SCAMP3: variants seen among roughly 807,000 people sequenced by gnomAD.
SCAMP3 encodes secretory carrier membrane protein 3, also known as secretory carrier-associated membrane protein 3.
A neutral mutation model predicts 44.1 loss-of-function variants in SCAMP3; 30 were observed. The observed-to-expected ratio is 0.68, with a 90% CI of 0.51 to 0.92. The LOEUF (loss-of-function observed/expected upper bound fraction) is 0.92, where lower values mean the gene tolerates loss of function less well. Among genes scored for constraint, SCAMP3 ranks in the 40% least tolerant of loss-of-function variants. The pLI, the probability that SCAMP3 is intolerant of heterozygous loss-of-function variation, is 0.00. For missense variants in SCAMP3, 394 were observed against 440.0 expected (o/e 0.90, Z 0.93); for synonymous variants, 168 against 171.1 (o/e 0.98, Z 0.14).
chr1:155,256,804 G>A lies in SCAMP3; in HGVS notation c.780-13C>T, dbSNP rs778137052. 2.1e-5 allele frequency: 33 copies of A among 1,603,700 alleles called. No homozygotes were observed. The highest frequency in any genetic ancestry group is 1.6e-4 in the Middle Eastern group (1 of 6,062). ...AGAGATCCAGCCACTGTAAAGGGAAGGATGTACCAGTGAAGAGGGGCTCCT... is the reference window on the plus strand; with the variant it reads ...AGAGATCCAGCCACTGTAAAGGGAAAGATGTACCAGTGAAGAGGGGCTCCT... On this transcript the variant is annotated splice_polypyrimidine_tract_variant and intron_variant, in intron 7 of 8. Transcript: ENST00000302631.
Position 155,256,434 on chromosome 1 carries a change from CAA to C in SCAMP3, c.898-17_898-16del, listed in dbSNP as rs1672797450. ...AAGGAGTGGATCTGCAAGTAGAGGA[CAA>C]AGACATTACCGCCCATTCCAGCCAC... On this transcript the variant is annotated splice_polypyrimidine_tract_variant and intron_variant, in intron 8 of 8. Coordinates refer to ENST00000302631, the MANE Select transcript of SCAMP3 (RefSeq NM_005698.4). 1 of 1,566,290 alleles carries C rather than the reference CAA, an allele frequency of 6.4e-7. No individual in the cohort carries two copies. Among genetic ancestry groups the C allele is most frequent in the Non-Finnish European group, 8.7e-7 (1 of 1,150,864 alleles).
intron 4 of SCAMP3, 92 bp from the exon 5 acceptor site, chr1:155,259,046 C>CTTTT (rs34682738): frequency 1.6e-4 from 77 of 487,464 alleles, no homozygotes; most frequent in Middle Eastern, 6.3e-4. Flanking sequence ...TGGATCCTCT[C>CTTTT]TTTTTTTTTT....
chr1:155,261,011 T>G (rs1161637207), intron 2 of SCAMP3, among the ~76,000 whole-genome samples: 1 of 151,640 alleles, frequency 6.6e-6, no homozygotes, highest in African/African-American at 2.4e-5. Flanking sequence ...CATCGAAGCC[T>G]CAAACTCCTG....
intron 1 of SCAMP3, 36 bp from the exon 2 acceptor site, chr1:155,261,770 G>A (rs1222412864): frequency 6.3e-7 from 1 of 1,597,486 alleles, no homozygotes; most frequent in Non-Finnish European, 8.6e-7. Context: ...CTGGCACCCA[G>A]TGCCACCTAG....
chr1:155,261,593 A>G (rs772398512), intron 2 of SCAMP3, 64 bp downstream of exon 2: 1 of 1,441,594 alleles, frequency 6.9e-7, no homozygotes, highest in Non-Finnish European at 9.8e-7. Context: ...CCTGTACCCA[A>G]GCTAACTTGT....
intron 1 of SCAMP3, 55 bp downstream of exon 1, chr1:155,262,031 A>G: frequency 6.5e-7 from 1 of 1,548,694 alleles, no homozygotes; most frequent in Non-Finnish European, 8.9e-7. Flanking sequence ...CCGACCCTAC[A>G]GAACCGGGAA....
At position 155,260,653 on chromosome 1, in the gene SCAMP3, G is replaced by C; in HGVS notation, c.151C>G (p.Pro51Ala). Residue 51 changes from proline (P) to alanine (A), a missense_variant, in exon 3 of 9, where the codon CCA becomes GCA. Physicochemically the swap from Pro to Ala is conservative, Grantham distance 27. Transcript: ENST00000302631. ...GCAGGGGCTGGAGGCTCATAGGCTG[G>C]TGGTGGCTGTTGAGGAAAAGACCTT... ...YNPFETREPP[P>A]AYEPPAPAPL... is the part of the protein sequence containing the mutation. 1.9e-6 allele frequency: 3 copies of C among 1,608,688 alleles called. No homozygotes were observed. The highest frequency in any genetic ancestry group is 2.5e-6 in the Non-Finnish European group (3 of 1,177,550).
At chr1:155,258,318 CTTTTTT>C (rs71996352) in intron 5 of SCAMP3, among the ~76,000 whole-genome samples, 1 of 86,508 alleles carries the variant, frequency 1.2e-5, no homozygotes, top group African/African-American at 3.6e-5. Flanking sequence ...CGTGCCCGGC[CTTTTTT>C]TTTTTTTTTT....
chr1:155,260,772 C>G, intron 2 of SCAMP3, 113 bp from the exon 3 acceptor site: 9 of 953,468 alleles, frequency 9.4e-6, no homozygotes, highest in Non-Finnish European at 1.1e-5. Context: ...AGCCTTTCCC[C>G]CATTTGTTAG....
intron 2 of SCAMP3, among the ~76,000 whole-genome samples, chr1:155,261,009 C>A (rs998648627): frequency 2.6e-5 from 4 of 151,688 alleles, no homozygotes; most frequent in Non-Finnish European, 4.4e-5. Flanking sequence ...CTCATCGAAG[C>A]CTCAAACTCC....
At chr1:155,259,082 T>C in intron 4 of SCAMP3, 128 bp from the exon 5 acceptor site, 2 of 833,000 alleles carry the variant, frequency 2.4e-6, no homozygotes, top group South Asian at 2.1e-5. Context: ...ATAGGGTCTC[T>C]GTTGTTCAGG....
At chr1:155,256,904 G>C in intron 7 of SCAMP3, 113 bp from the exon 8 acceptor site, 1 of 754,698 alleles carries the variant, frequency 1.3e-6, no homozygotes, top group East Asian at 2.7e-5. Flanking sequence ...CCTGTCAATC[G>C]AGCAGCATTC....
In SCAMP3 at chr1:155,257,340, C is replaced by T. The variant is rs749488926; in HGVS notation, c.724G>A (p.Val242Ile). 2.0e-5 allele frequency: 32 copies of T among 1,613,612 alleles called. No individual in the cohort carries two copies. Among genetic ancestry groups the T allele is most frequent in the South Asian group, 5.5e-5 (5 of 91,070 alleles). ...TGGAGGACAAAGAGCACATCCTGGA[C>T]GAAGAAAATGAAGAAGAAAACGAAG... ...NFFVFFFIFF[V>I]QDVLFVLQAI... Residue 242 changes from valine to isoleucine, a missense_variant, in exon 7 of 9, where the codon GTC (valine) becomes ATC (isoleucine). Transcript: ENST00000302631.
At position 155,262,220 on chromosome 1, in the gene SCAMP3, G is replaced by T; in HGVS notation, c.-69C>A. Reference sequence around the variant, plus strand: ...TGCCGCAGCAGTGGCGGTAGCGGTAGCCCTCAGAGTCCACTTCACTCGCCT... The same window carrying T: ...TGCCGCAGCAGTGGCGGTAGCGGTATCCCTCAGAGTCCACTTCACTCGCCT... On this transcript the variant is annotated 5_prime_UTR_variant, in exon 1 of 9. Coordinates refer to ENST00000302631, the MANE Select transcript of SCAMP3 (RefSeq NM_005698.4). 2 of 1,443,006 alleles carry T rather than the reference G, an allele frequency of 1.4e-6. No individual in the cohort carries two copies. The highest frequency in any genetic ancestry group is 2.3e-5 in the South Asian group (2 of 86,098). 89.4% of individuals were successfully genotyped at this position (1,443,006 alleles called of 1,614,324 possible).
intron 5 of SCAMP3, among the ~76,000 whole-genome samples, chr1:155,257,959 C>T (rs901573867): frequency 6.6e-6 from 1 of 152,104 alleles, no homozygotes; most frequent in Admixed American, 6.5e-5. Context: ...ATTCTCCTGC[C>T]TCAGCCTCCA....
At chr1:155,260,297 C>G in intron 4 of SCAMP3, 33 bp downstream of exon 4, 6 of 1,605,136 alleles carry the variant, frequency 3.7e-6, no homozygotes, top group Non-Finnish European at 5.1e-6. Flanking sequence ...TCCTCCCAAA[C>G]TCTCAGATGC....
intron 1 of SCAMP3, 75 bp downstream of exon 1, chr1:155,262,011 A>C: frequency 7.0e-7 from 1 of 1,426,054 alleles, no homozygotes; most frequent in Non-Finnish European, 9.8e-7. Context: ...AAATGGGGAT[A>C]CAAGTTAGCC....
chr1:155,259,770 T>C (rs1026977530), intron 4 of SCAMP3, among the ~76,000 whole-genome samples: 11 of 152,172 alleles, frequency 7.2e-5, no homozygotes, highest in Non-Finnish European at 1.5e-4. Flanking sequence ...CTGTACCAAG[T>C]ACTTCACATA....
chr1:155,261,794 G>C, intron 1 of SCAMP3, 60 bp from the exon 2 acceptor site: 1 of 1,532,006 alleles, frequency 6.5e-7, no homozygotes. Flanking sequence ...AATTCCCAGG[G>C]ACCATTCCCA....
Sources: gnomAD v4.1 joint callset for allele counts (sites outside exome capture counted in the v4.1 genomes callset) on GRCh38, gnomAD v4.1.1 for gene constraint, MANE v1.5 for transcripts, NCBI Gene and HGNC (gene_info 2026-07-23, HGNC 2026-07-21) for gene names.